Variants in FARS2 observed in about 807,000 individuals in gnomAD.
The protein encoded by FARS2 is phenylalanyl-tRNA synthetase 2, mitochondrial, also known as phenylalanine--tRNA ligase, mitochondrial.
In FARS2, 40 loss-of-function variants were observed where a neutral mutation model predicts 46.4. The observed-to-expected ratio is 0.86, with a 90% CI of 0.67 to 1.12. The LOEUF (loss-of-function observed/expected upper bound fraction) is 1.12. Ranked by LOEUF, FARS2 falls within the 50% of genes most tolerant of loss-of-function variation. The pLI, the probability that FARS2 is intolerant of heterozygous loss-of-function variation, is 0.00. For missense variants in FARS2, 513 were observed against 567.9 expected, an observed-to-expected ratio of 0.90 and a Z score of 0.98; for synonymous variants, 234 against 214.9, an observed-to-expected ratio of 1.09 and a Z score of -0.78.
At chr6:5,339,984 G>C (rs1771439831) in intron 1 of FARS2, among the ~76,000 whole-genome samples, 1 of 152,258 alleles carries the variant, frequency 6.6e-6, no homozygotes, top group Non-Finnish European at 1.5e-5. Context: ...GATAGCTGAA[G>C]TTTCTCTTAT....
chr6:5,361,729 A>C (rs1758316254), intron 1 of FARS2, among the ~76,000 whole-genome samples: 1 of 152,172 alleles, frequency 6.6e-6, no homozygotes, highest in Non-Finnish European at 1.5e-5. Context: ...TTGTGTGAGT[A>C]TTGCATCTGG....
chr6:5,552,189 G>C (rs758295951), intron 5 of FARS2, among the ~76,000 whole-genome samples: 2 of 152,158 alleles, frequency 1.3e-5, no homozygotes, highest in African/African-American at 2.4e-5. Context: ...ATGTAGAGTA[G>C]TCATATTTAC....
Position 5,433,635 on chromosome 6 carries a change from C to T in FARS2, c.904+2463C>T, listed in dbSNP as rs80341016. 9.5e-3 allele frequency among the ~76,000 whole-genome samples: 1,450 copies of T among 152,250 alleles called. 24 individuals are homozygous for T. Among genetic ancestry groups the T allele is most frequent in the African/African-American group, 0.033 (1,366 of 41,542 alleles). On this transcript the variant is annotated intron_variant, in intron 4 of 6. Coordinates refer to ENST00000274680, the MANE Select transcript of FARS2 (RefSeq NM_006567.5). Reference sequence around the variant, plus strand: ...TCAACAGAAAACATAAAATACTGGGCGTGAATATGAAAGATTTAATCTCTC... The same window carrying T: ...TCAACAGAAAACATAAAATACTGGGTGTGAATATGAAAGATTTAATCTCTC...
intron 1 of FARS2, among the ~76,000 whole-genome samples, chr6:5,267,740 C>T (rs1210165957): frequency 1.5e-5 from 2 of 135,986 alleles, no homozygotes; most frequent in African/African-American, 3.1e-5. Flanking sequence ...GGAGACACAG[C>T]GAGACTGTCT....
chr6:5,693,054 CT>C (rs1757863161), intron 6 of FARS2, among the ~76,000 whole-genome samples: 1 of 152,194 alleles, frequency 6.6e-6, no homozygotes, highest in Non-Finnish European at 1.5e-5. Flanking sequence ...TGTATTTCAT[CT>C]GTTTTGCAAA....
rs76229359 is a variant in FARS2 at position 5,640,550 on chromosome 6, C to T, written c.1217+27230C>T. Among the ~76,000 whole-genome samples the T allele has an allele frequency of 1.4e-3, 210 of 152,328 alleles. 5 individuals carry two copies. The East Asian group carries it at 0.035, about 25-fold the overall frequency. On this transcript the variant is annotated intron_variant, in intron 6 of 6. Coordinates refer to ENST00000274680, the MANE Select transcript of FARS2 (RefSeq NM_006567.5). The stretch of plus-strand genomic sequence containing the variant: ...AAAAAGAAACATTTTGTCTGAGGAA[C>T]GTGAGCTACCTCTAAATTATCAGGC...
At chr6:5,505,840 C>G (rs115234607) in intron 4 of FARS2, among the ~76,000 whole-genome samples, 1 of 152,186 alleles carries the variant, frequency 6.6e-6, no homozygotes, top group African/African-American at 2.4e-5. Context: ...TCCTGAGACT[C>G]CCCTTCAGTT....
intron 4 of FARS2, among the ~76,000 whole-genome samples, chr6:5,470,080 A>T (rs1255773112): frequency 1.3e-5 from 2 of 152,208 alleles, no homozygotes; most frequent in Non-Finnish European, 2.9e-5. Context: ...TATCTATTTT[A>T]TTATTAATAT....
chr6:5,574,147 T>C (rs1234040369), intron 5 of FARS2, among the ~76,000 whole-genome samples: 2 of 152,168 alleles, frequency 1.3e-5, no homozygotes, highest in Admixed American at 1.3e-4. Context: ...TTTGTTTTGT[T>C]TTGAGACAGA....
intron 2 of FARS2, among the ~76,000 whole-genome samples, chr6:5,397,271 G>T (rs74326827): frequency 0.025 from 3,856 of 152,244 alleles, 81 homozygotes; most frequent in Non-Finnish European, 0.039. Flanking sequence ...AGTGAAAAGA[G>T]CAGTGATGAT....
intron 6 of FARS2, among the ~76,000 whole-genome samples, chr6:5,739,641 T>C: frequency 6.6e-6 from 1 of 152,224 alleles, no homozygotes; most frequent in East Asian, 1.9e-4. Flanking sequence ...AGCGATCACT[T>C]TGCTTCTTAC....
intron 1 of FARS2, among the ~76,000 whole-genome samples, chr6:5,301,320 A>G (rs1013750288): frequency 3.9e-5 from 6 of 152,130 alleles, no homozygotes; most frequent in African/African-American, 1.4e-4. Context: ...GCATAGTGGC[A>G]TGCACCTGTA....
chr6:5,639,068 A>G (rs757531396), intron 6 of FARS2, among the ~76,000 whole-genome samples: 26 of 152,256 alleles, frequency 1.7e-4, no homozygotes, highest in Admixed American at 3.9e-4. Context: ...TGATTGATGT[A>G]GTAGAAAGAG....
Position 5,763,247 on chromosome 6 carries a change from T to G in FARS2, c.1218-8044T>G, listed in dbSNP as rs111351357. On this transcript the variant is annotated intron_variant, in intron 6 of 6. Coordinates refer to ENST00000274680, the MANE Select transcript of FARS2 (RefSeq NM_006567.5). ...CTGGAGGATTGCTTGAGCCTAGGAGTTTGAGATTGGCCTGGGCAACATAGC... is the reference window on the plus strand; with the variant it reads ...CTGGAGGATTGCTTGAGCCTAGGAGGTTGAGATTGGCCTGGGCAACATAGC... 3.3e-5 allele frequency among the ~76,000 whole-genome samples: 5 copies of G among 151,850 alleles called. 2 individuals carry two copies. Among genetic ancestry groups the G allele is most frequent in the African/African-American group, 1.2e-4 (5 of 41,408 alleles).
At chr6:5,757,285 T>G (rs1350652525) in intron 6 of FARS2, among the ~76,000 whole-genome samples, 1 of 152,188 alleles carries the variant, frequency 6.6e-6, no homozygotes, top group Non-Finnish European at 1.5e-5. Context: ...GACTCTGACT[T>G]TTACTTTATT....
At chr6:5,283,374 C>CAAAAAA (rs1180107524) in intron 1 of FARS2, among the ~76,000 whole-genome samples, 5 of 55,060 alleles carry the variant, frequency 9.1e-5, no homozygotes, top group African/African-American at 2.1e-4. Flanking sequence ...ACTCCTGTCT[C>CAAAAAA]AAAAAAAAAA....
intron 3 of FARS2, among the ~76,000 whole-genome samples, chr6:5,423,114 G>GT (rs1341932054): frequency 6.6e-6 from 1 of 152,132 alleles, no homozygotes; most frequent in Non-Finnish European, 1.5e-5. Context: ...TGGTGTGTGA[G>GT]CCTTCTGTTT....
chr6:5,319,380 T>C (rs951223772), intron 1 of FARS2, among the ~76,000 whole-genome samples: 5 of 152,114 alleles, frequency 3.3e-5, no homozygotes, highest in Non-Finnish European at 7.4e-5. Context: ...AAGGGAAAAA[T>C]GCCTCAAATG....
intron 3 of FARS2, among the ~76,000 whole-genome samples, chr6:5,413,239 G>A (rs1057120866): frequency 6.6e-6 from 1 of 152,206 alleles, no homozygotes; most frequent in Non-Finnish European, 1.5e-5. Context: ...TTCTATGGCA[G>A]TTGGGCAGAG....
Sources: gnomAD v4.1 joint callset for allele counts (sites outside exome capture counted in the v4.1 genomes callset) on GRCh38, gnomAD v4.1.1 for gene constraint, MANE v1.5 for transcripts, NCBI Gene and HGNC (gene_info 2026-07-23, HGNC 2026-07-21) for gene names.